The following PCDHGA1 variants were observed in gnomAD, a reference collection of about 807,000 sequenced individuals.
PCDHGA1 encodes the protein protocadherin gamma subfamily A, 1, also known as protocadherin gamma-A1.
In PCDHGA1, 32 loss-of-function variants were observed where a neutral mutation model predicts 58.0. The observed-to-expected ratio is 0.55, with a 90% confidence interval of 0.42 to 0.74. PCDHGA1 has a LOEUF of 0.74. PCDHGA1 is among the 30% of genes least tolerant of loss of function. PCDHGA1 has a pLI of 0.00. For missense variants in PCDHGA1, 1,205 were observed against 1,182.3 expected (o/e 1.02, Z -0.28); for synonymous variants, 498 against 501.1 (o/e 0.99, Z 0.08).
At chr5:141,384,071 C>A (rs1476893471) in intron 1 of PCDHGA1, 2 of 1,603,074 alleles carry the variant, frequency 1.2e-6, no homozygotes, top group Non-Finnish European at 1.7e-6. Context: ...GAAAACCTAC[C>A]TTTTAAATTA....
chr5:141,375,266 GA>G (rs1771293151), intron 1 of PCDHGA1: 1 of 1,613,846 alleles, frequency 6.2e-7, no homozygotes. Flanking sequence ...ATTTGAATTG[GA>G]AAAATCAGTT....
At chr5:141,483,291 A>T (rs767446911) in intron 1 of PCDHGA1, among the ~76,000 whole-genome samples, 4 of 152,126 alleles carry the variant, frequency 2.6e-5, no homozygotes, top group African/African-American at 4.8e-5. Flanking sequence ...TGTCAGTCAT[A>T]AGTGAAGGGA....
rs375879976 is a variant in PCDHGA1 at position 141,376,437 on chromosome 5, A to G, written c.2421+43332A>G. 2.7e-4 allele frequency: 434 copies of G among 1,614,084 alleles called. No homozygotes were observed. The highest frequency in any genetic ancestry group is 3.3e-4 in the Non-Finnish European group (388 of 1,180,040). ...GACACGCTTATCAACCAGGAGAGCT[A>G]TGAGAAAAGCGAGCCTCTTCTGATA... On this transcript the variant is annotated intron_variant, in intron 1 of 3. Coordinates refer to ENST00000517417, the MANE Select transcript of PCDHGA1 (RefSeq NM_018912.3).
At chr5:141,496,268 G>T (rs1237681971) in intron 2 of PCDHGA1, among the ~76,000 whole-genome samples, 1 of 152,208 alleles carries the variant, frequency 6.6e-6, no homozygotes, top group Non-Finnish European at 1.5e-5. Flanking sequence ...TCAGCAGAAA[G>T]ACCTTCAGTT....
intron 1 of PCDHGA1, chr5:141,400,754 C>A (rs6880273): frequency 0.26 from 150,367 of 588,610 alleles, 21,664 homozygotes; most frequent in African/African-American, 0.5. Context: ...TTAGCTTCCT[C>A]TCTAGCAAAA....
Position 141,506,556 on chromosome 5 carries a change from AC to A in PCDHGA1, c.2569+1080del, listed in dbSNP as rs560503002. Among the ~76,000 whole-genome samples the A allele has an allele frequency of 4.0e-4, 60 of 151,718 alleles. 1 individual carries two copies. In the East Asian group the frequency reaches 0.011, roughly 28 times the overall value. ...AATGAGTCCTTAGGTAAGTTATTAA[AC>A]CCCCTCGGTTTCACTTACTATTAAT... On this transcript the variant is annotated intron_variant, in intron 3 of 3. Coordinates refer to ENST00000517417, the MANE Select transcript of PCDHGA1 (RefSeq NM_018912.3).
At chr5:141,392,750 G>C in intron 1 of PCDHGA1, 1 of 1,451,824 alleles carries the variant, frequency 6.9e-7, no homozygotes, top group Non-Finnish European at 9.1e-7. Flanking sequence ...GCTGCGGCAA[G>C]AAACTAAATA....
At chr5:141,441,279 C>T (rs3792898) in intron 1 of PCDHGA1, 17,193 of 152,116 alleles carry the variant, frequency 0.11, 1,155 homozygotes, top group African/African-American at 0.18. Context: ...CGGGAGAAAA[C>T]GAGGTCACAT....
At position 141,444,152 on chromosome 5, in the gene PCDHGA1, A is replaced by ATTT. The variant is rs747671382; in HGVS notation, c.2422-50621_2422-50619dup. 1.9e-3 allele frequency among the ~76,000 whole-genome samples: 66 copies of ATTT among 33,898 alleles called. 23 individuals are homozygous for ATTT. Among genetic ancestry groups the ATTT allele is most frequent in the African/African-American group, 4.6e-3 (33 of 7,184 alleles). The allele number at this position is 33,898 out of a possible 152,430, so 22.2% of individuals were successfully genotyped here. A position where few individuals can be genotyped will look rare whatever the true frequency, so the allele number is the denominator to read the frequency against. On this transcript the variant is annotated intron_variant, in intron 1 of 3. Transcript: ENST00000517417. Reference sequence around the variant, plus strand: ...GATATGTGTCACTTGTGTGTACTGGATTTTTTTTTTTTTTTTTTTTTTTTT... The same window carrying ATTT: ...GATATGTGTCACTTGTGTGTACTGGATTTTTTTTTTTTTTTTTTTTTTTTTTTT...
chr5:141,383,626 T>C (rs747491955), intron 1 of PCDHGA1: 1 of 1,613,896 alleles, frequency 6.2e-7, no homozygotes, highest in Non-Finnish European at 8.5e-7. Context: ...GCCTGTCTTC[T>C]CTCTGCCTCA....
At chr5:141,415,695 T>C (rs1284418994) in intron 1 of PCDHGA1, 1 of 1,537,350 alleles carries the variant, frequency 6.5e-7, no homozygotes, top group South Asian at 1.2e-5. Context: ...TGGTGGAAAG[T>C]GTAAATGCTA....
chr5:141,405,800 C>T (rs1034546914), intron 1 of PCDHGA1, among the ~76,000 whole-genome samples: 11 of 147,346 alleles, frequency 7.5e-5, no homozygotes, highest in African/African-American at 2.5e-4. Flanking sequence ...TTATAGTTAG[C>T]TTTCTCTTTA....
chr5:141,344,299 G>A lies in PCDHGA1; in HGVS notation c.2421+11194G>A, dbSNP rs776796046. Reference sequence around the variant, plus strand: ...AGCGGCAGCTTGGTCACCGCGGAGAGGATAGACCGGGAGGAGCTCTGCGCT... The same window carrying A: ...AGCGGCAGCTTGGTCACCGCGGAGAAGATAGACCGGGAGGAGCTCTGCGCT... On this transcript the variant is annotated intron_variant, in intron 1 of 3. Coordinates refer to ENST00000517417, the MANE Select transcript of PCDHGA1 (RefSeq NM_018912.3). 14 of 1,614,080 alleles carry A rather than the reference G, an allele frequency of 8.7e-6. No homozygotes were observed. Among genetic ancestry groups the A allele is most frequent in the Admixed American group, 1.7e-5 (1 of 60,032 alleles).
chr5:141,353,359 A>C (rs1759255864), intron 1 of PCDHGA1, among the ~76,000 whole-genome samples: 1 of 152,224 alleles, frequency 6.6e-6, no homozygotes, highest in Non-Finnish European at 1.5e-5. Context: ...TTAATTATGT[A>C]ATTGATGTAA....
intron 1 of PCDHGA1, among the ~76,000 whole-genome samples, chr5:141,471,118 A>G (rs58897068): frequency 0.11 from 15,938 of 141,604 alleles, 871 homozygotes; most frequent in South Asian, 0.16. Flanking sequence ...GTGCGATCTT[A>G]CCTTCACTGC....
chr5:141,344,825 G>A (rs777363895), intron 1 of PCDHGA1: 1 of 1,613,984 alleles, frequency 6.2e-7, no homozygotes, highest in South Asian at 1.1e-5. Flanking sequence ...TGCTCACGGT[G>A]AATGCCACTG....
rs1413324509 is a variant in PCDHGA1 at position 141,431,464 on chromosome 5, G to T, written c.2422-63343G>T. The T allele has an allele frequency of 6.2e-7, 1 of 1,613,782 alleles. No homozygotes were observed. The highest frequency in any genetic ancestry group is 2.2e-5 in the East Asian group (1 of 44,880). ...GCATCCGCGTGATGGTTCTGGATGC[G>T]AACGACAACGCACCAGCGTTTGCTC... On this transcript the variant is annotated intron_variant, in intron 1 of 3. Transcript: ENST00000517417. This position sits in a 1 kb window ranked among gnomAD's most constrained non-coding sequence, Gnocchi z 4.8.
At chr5:141,382,121 C>T (rs1437558526) in intron 1 of PCDHGA1, among the ~76,000 whole-genome samples, 1 of 152,068 alleles carries the variant, frequency 6.6e-6, no homozygotes, top group African/African-American at 2.4e-5. Flanking sequence ...AGCAACAGCA[C>T]CTGGCCCCCC....
Position 141,486,683 on chromosome 5 carries a change from G to T in PCDHGA1, c.2422-8124G>T. The T allele has an allele frequency of 6.2e-7, 1 of 1,614,092 alleles. No homozygotes were observed. Among genetic ancestry groups the T allele is most frequent in the Non-Finnish European group, 8.5e-7 (1 of 1,180,026 alleles). ...GGAGCCCAGGAATCGAGATGTATCA[G>T]CTTCCTCTTTCATCTCTCTGAACCC... On this transcript the variant is annotated intron_variant, in intron 1 of 3. Transcript: ENST00000517417. This position sits in a 1 kb window ranked among gnomAD's most constrained non-coding sequence, Gnocchi z 5.0.
Sources: allele counts gnomAD v4.1 joint callset (sites outside exome capture counted in the v4.1 genomes callset), GRCh38; gene constraint gnomAD v4.1.1; non-coding constraint Gnocchi (gnomAD v3.1); transcripts MANE v1.5; gene names NCBI Gene and HGNC (gene_info 2026-07-23, HGNC 2026-07-21).